C3orf49: variants seen among roughly 807,000 people sequenced by gnomAD.
C3orf49 encodes putative uncharacterized protein C3orf49.
C3orf49 carries 27 observed loss-of-function variants against 13.3 expected under a neutral mutation model. The ratio of observed to expected loss-of-function variants is 2.02; its 90% CI spans 1.49 to 2.79. The LOEUF (loss-of-function observed/expected upper bound fraction) is 2.79, where lower values mean the gene tolerates loss of function less well. Ranked by LOEUF, C3orf49 falls within the 30% of genes most tolerant of loss-of-function variation. The pLI is 0.00. For synonymous variants in C3orf49, 87 were observed against 47.6 expected, an observed-to-expected ratio of 1.83 and a Z score of -3.40; for missense variants, 242 against 134.2, an observed-to-expected ratio of 1.80 and a Z score of -3.97.
the C3orf49 span, among the ~76,000 whole-genome samples, chr3:63,795,001 T>A: frequency 2.6e-5 from 4 of 152,184 alleles, no homozygotes; most frequent in Admixed American, 2.0e-4. Context: ...CTGGTTGCCG[T>A]CCCGTCTCCC....
chr3:63,780,493 G>T, the C3orf49 span, among the ~76,000 whole-genome samples: 1 of 152,236 alleles, frequency 6.6e-6, no homozygotes, highest in African/African-American at 2.4e-5. Flanking sequence ...AATCCTTTGG[G>T]TATATACCCA....
chr3:63,845,192 C>T (rs560274575), intron 6 of C3orf49, 110 bp downstream of exon 6: 15 of 478,036 alleles, frequency 3.1e-5, no homozygotes, highest in African/African-American at 9.6e-5. Context: ...TATTTAAGCT[C>T]GCTGATATCT....
the C3orf49 span, among the ~76,000 whole-genome samples, chr3:63,807,857 C>CAAAAAAAAAAAAAAAAAA: frequency 6.5e-4 from 21 of 32,104 alleles, no homozygotes; most frequent in Non-Finnish European, 8.1e-4. Context: ...AACTTCATCT[C>CAAAAAAAAAAAAAAAAAA]AAAAAAAAAA....
intron 5 of C3orf49, among the ~76,000 whole-genome samples, chr3:63,840,507 C>T (rs1415080099): frequency 2.0e-5 from 3 of 152,160 alleles, no homozygotes; most frequent in Non-Finnish European, 2.9e-5. Flanking sequence ...AGGAGGATCA[C>T]TTGAGCCTCG....
At chr3:63,795,300 G>A in the C3orf49 span, among the ~76,000 whole-genome samples, 2 of 152,128 alleles carry the variant, frequency 1.3e-5, no homozygotes, top group Non-Finnish European at 2.9e-5. Flanking sequence ...AACGTCTAGG[G>A]GGTATTTGAA....
upstream of C3orf49, among the ~76,000 whole-genome samples, chr3:63,815,274 A>G (rs552968598): frequency 2.0e-5 from 3 of 152,248 alleles, no homozygotes; most frequent in African/African-American, 7.2e-5. Flanking sequence ...ACACATATCC[A>G]AACTGTATCT....
the C3orf49 span, among the ~76,000 whole-genome samples, chr3:63,805,311 C>T: frequency 6.6e-6 from 1 of 152,274 alleles, no homozygotes; most frequent in East Asian, 1.9e-4. Context: ...ATTTTAAAAC[C>T]ACAAAGGAAA....
chr3:63,812,400 G>A, the C3orf49 span, among the ~76,000 whole-genome samples: 10,299 of 152,248 alleles, frequency 0.068, 508 homozygotes, highest in Middle Eastern at 0.11. Flanking sequence ...CCACACGTTG[G>A]ACAAACTTGC....
intron 1 of C3orf49, among the ~76,000 whole-genome samples, chr3:63,821,315 T>C (rs944002359): frequency 1.3e-5 from 2 of 152,190 alleles, no homozygotes; most frequent in African/African-American, 4.8e-5. Context: ...GTAGTACATA[T>C]GCTACTGATG....
chr3:63,806,560 G>A, the C3orf49 span, among the ~76,000 whole-genome samples: 2 of 152,178 alleles, frequency 1.3e-5, no homozygotes, highest in Non-Finnish European at 2.9e-5. Flanking sequence ...GTTTAGAAAG[G>A]TCTTCTGCCT....
chr3:63,799,057 A>G, the C3orf49 span, among the ~76,000 whole-genome samples: 1 of 152,150 alleles, frequency 6.6e-6, no homozygotes, highest in Admixed American at 6.6e-5. Flanking sequence ...GCTGCCATGG[A>G]GAACAACAAG....
chr3:63,845,255 T>C (rs914601965), intron 6 of C3orf49, among the ~76,000 whole-genome samples, 173 bp downstream of exon 6: 4 of 152,152 alleles, frequency 2.6e-5, no homozygotes, highest in African/African-American at 7.2e-5. Context: ...CATTTGACTT[T>C]GGGGTACCTA....
chr3:63,839,805 G>A (rs2107126583), intron 5 of C3orf49: 1 of 1,569,750 alleles, frequency 6.4e-7, no homozygotes, highest in Non-Finnish European at 8.8e-7. Context: ...TTACCATCTG[G>A]CTCTTGGTAA....
Position 63,831,155 on chromosome 3 carries a change from A to G in C3orf49, c.616A>G (p.Lys206Glu). ...KKRPHFPALKKKKRGMENILR... is the reference protein window; with the variant it reads ...KKRPHFPALKEKKRGMENILR... ...GAGACCACACTTTCCAGCACTTAAA[A>G]AAAAGAAGCGTGGCATGGAAAACAT... Residue 206 changes from lysine to glutamate, a missense_variant, in exon 4 of 7, where the codon AAA becomes GAA. Lys to Glu is a moderately conservative substitution (Grantham distance 56, BLOSUM62 1). Transcript: ENST00000295896. 4.3e-6 allele frequency: 3 copies of G among 703,104 alleles called. No individual in the cohort carries two copies. The South Asian group carries it at 4.4e-5, about 10-fold the overall frequency. 43.6% of individuals were successfully genotyped at this position (703,104 alleles called of 1,614,324 possible). A position where few individuals can be genotyped will look rare whatever the true frequency, so the allele number is the denominator to read the frequency against.
At chr3:63,792,616 C>T in the C3orf49 span, among the ~76,000 whole-genome samples, 2 of 152,186 alleles carry the variant, frequency 1.3e-5, no homozygotes, top group Non-Finnish European at 2.9e-5. Context: ...GTTCTGCAAA[C>T]ATTTCCTGAG....
chr3:63,815,749 G>T (rs1187401257), upstream of C3orf49, among the ~76,000 whole-genome samples: 4 of 147,118 alleles, frequency 2.7e-5, no homozygotes, highest in African/African-American at 5.0e-5. Context: ...TTATTTGTTT[G>T]TTTTTTTCTT....
chr3:63,837,901 CACA>C lies in C3orf49; in HGVS notation c.849+6061_849+6063del, dbSNP rs143321173. The stretch of plus-strand genomic sequence containing the variant: ...TTGATTCAGGCTGCAGATTTTACCT[CACA>C]ACATTAAAAACTGCATGAAAACTGT... On this transcript the variant is annotated intron_variant, in intron 5 of 6. Coordinates refer to ENST00000295896, the MANE Select transcript of C3orf49 (RefSeq NM_001355236.2). 6.1e-4 allele frequency: 831 copies of C among 1,355,036 alleles called. 6 individuals are homozygous for C. The African/African-American group carries it at 0.012, about 19-fold the overall frequency. The allele number at this position is 1,355,036 out of a possible 1,614,324, so 83.9% of individuals were successfully genotyped here.
At chr3:63,788,423 T>G in the C3orf49 span, among the ~76,000 whole-genome samples, 7 of 152,136 alleles carry the variant, frequency 4.6e-5, no homozygotes, top group Non-Finnish European at 1.0e-4. Flanking sequence ...TTAAAAACAT[T>G]TTGAGAGGGG....
chr3:63,812,217 T>G, the C3orf49 span, among the ~76,000 whole-genome samples: 11 of 152,328 alleles, frequency 7.2e-5, no homozygotes, highest in Non-Finnish European at 1.6e-4. Flanking sequence ...TGAGCCACAA[T>G]GGAAGAAGAA....
Sources: gnomAD v4.1 joint callset for allele counts (sites outside exome capture counted in the v4.1 genomes callset) on GRCh38, gnomAD v4.1.1 for gene constraint, MANE v1.5 for transcripts, NCBI Gene and HGNC (gene_info 2026-07-23, HGNC 2026-07-21) for gene names.